The following NR2C1 variants were observed in gnomAD, a reference collection of about 807,000 sequenced individuals.
The protein encoded by NR2C1 is TR2 nuclear hormone receptor.
A neutral mutation model predicts 74.8 loss-of-function variants in NR2C1; 33 were observed. The observed-to-expected ratio is 0.44, with a 90% CI of 0.33 to 0.59. NR2C1 has a LOEUF of 0.59. Among genes scored for constraint, NR2C1 ranks in the 20% least tolerant of loss-of-function variants. The pLI is 0.02. For synonymous variants in NR2C1, 225 were observed against 240.6 expected, an observed-to-expected ratio of 0.94 and a Z score of 0.60; for missense variants, 568 against 715.6, an observed-to-expected ratio of 0.79 and a Z score of 2.35.
At chr12:95,033,902 A>G (rs1158588938) in intron 10 of NR2C1, among the ~76,000 whole-genome samples, 1 of 152,234 alleles carries the variant, frequency 6.6e-6, no homozygotes, top group African/African-American at 2.4e-5. Context: ...TCTTTAAACC[A>G]AACCTACAGA....
At position 95,021,999 on chromosome 12, in the gene NR2C1, T is replaced by C; in HGVS notation, c.*230A>G. On this transcript the variant is annotated 3_prime_UTR_variant, in exon 14 of 14. Transcript: ENST00000333003. Reference sequence around the variant, plus strand: ...GGTATCATCTTCACCAAGAATAAATTTGTAGTGTTTCATATTCATTTAAAG... The same window carrying C: ...GGTATCATCTTCACCAAGAATAAATCTGTAGTGTTTCATATTCATTTAAAG... 1 of 343,486 alleles carries C rather than the reference T, an allele frequency of 2.9e-6. No individual in the cohort carries two copies. Among genetic ancestry groups the C allele is most frequent in the Non-Finnish European group, 5.2e-6 (1 of 192,602 alleles). 21.3% of individuals were successfully genotyped at this position (343,486 alleles called of 1,614,324 possible).
At chr12:95,038,855 A>G (rs1871176936) in intron 10 of NR2C1, among the ~76,000 whole-genome samples, 1 of 152,182 alleles carries the variant, frequency 6.6e-6, no homozygotes, top group Non-Finnish European at 1.5e-5. Context: ...TGATCATTTC[A>G]GTAATTACAA....
In NR2C1 at chr12:95,044,476, C is replaced by T. The variant is rs190326895; in HGVS notation, c.1132-3879G>A. Among the ~76,000 whole-genome samples, 817 of 151,340 alleles carry T rather than the reference C, an allele frequency of 5.4e-3. 4 individuals carry two copies. The highest frequency in any genetic ancestry group is 0.019 in the African/African-American group (774 of 41,192). On this transcript the variant is annotated intron_variant, in intron 9 of 13. Coordinates refer to ENST00000333003, the MANE Select transcript of NR2C1 (RefSeq NM_003297.4). ...TATTTTTAGTAGAGACGGGGTTTCA[C>T]CACGTTGGTCAGTCTGGTCTTGAAC...
intron 10 of NR2C1, among the ~76,000 whole-genome samples, chr12:95,035,306 T>C (rs763187004): frequency 7.2e-5 from 11 of 152,156 alleles, no homozygotes; most frequent in Non-Finnish European, 1.6e-4. Context: ...TATAATCCTA[T>C]ACTTCAATAT....
intron 6 of NR2C1, 22 bp downstream of exon 6, chr12:95,057,709 C>T (rs1414388441): frequency 1.2e-6 from 2 of 1,613,200 alleles, no homozygotes; most frequent in Admixed American, 3.3e-5. Flanking sequence ...TGACCAGCTA[C>T]TCAGTGTCTG....
At chr12:95,071,989 C>T (rs1049327261) in intron 1 of NR2C1, among the ~76,000 whole-genome samples, 1 of 151,744 alleles carries the variant, frequency 6.6e-6, no homozygotes, top group Non-Finnish European at 1.5e-5. Flanking sequence ...TTCAGATGAT[C>T]CGCCCACCTC....
chr12:95,057,470 C>T, intron 7 of NR2C1, 83 bp downstream of exon 7: 1 of 953,090 alleles, frequency 1.0e-6, no homozygotes, highest in Non-Finnish European at 1.5e-6. Flanking sequence ...AAGAACAAAG[C>T]AATTTACCAA....
chr12:95,067,853 C>CCA (rs745777190), intron 1 of NR2C1, among the ~76,000 whole-genome samples: 6 of 151,214 alleles, frequency 4.0e-5, no homozygotes, highest in Non-Finnish European at 8.8e-5. Context: ...TCAGCATAAG[C>CCA]CACCATGCCC....
At chr12:95,061,201 G>A (rs1565871442) in intron 3 of NR2C1, among the ~76,000 whole-genome samples, 1 of 152,196 alleles carries the variant, frequency 6.6e-6, no homozygotes, top group Non-Finnish European at 1.5e-5. Context: ...AGAAGCCTCA[G>A]GAGACATGTC....
At chr12:95,044,434 A>ATT (rs57195159) in intron 9 of NR2C1, among the ~76,000 whole-genome samples, 2,814 of 141,600 alleles carry the variant, frequency 0.02, 85 homozygotes, top group African/African-American at 0.069. Flanking sequence ...CACCCGGCTA[A>ATT]TTTTTTTTTT....
chr12:95,067,307 G>A (rs1394289389), intron 2 of NR2C1, 24 bp downstream of exon 2: 3 of 1,602,572 alleles, frequency 1.9e-6, no homozygotes, highest in Non-Finnish European at 1.7e-6. Context: ...GTGGGCCAGT[G>A]CATCAACCGT....
intron 7 of NR2C1, among the ~76,000 whole-genome samples, chr12:95,053,681 G>GTTTTTTTTTTTTTTTTTTT (rs550069594): frequency 3.9e-5 from 4 of 103,414 alleles, no homozygotes; most frequent in South Asian, 3.4e-4. Context: ...TCTTTTTGGT[G>GTTTTTTTTTTTTTTTTTTT]TTTTTTTTTT....
chr12:95,057,444 G>T, intron 7 of NR2C1, 109 bp downstream of exon 7: 2 of 726,792 alleles, frequency 2.8e-6, no homozygotes, highest in Non-Finnish European at 2.2e-6. Flanking sequence ...AAGGCAACTT[G>T]TAATATGGAA....
At chr12:95,051,706 A>T in intron 8 of NR2C1, 56 bp downstream of exon 8, 1 of 1,438,510 alleles carries the variant, frequency 7.0e-7, no homozygotes, top group African/African-American at 1.4e-5. Context: ...AAATGTTTTA[A>T]GAAATACTGA....
At chr12:95,052,624 T>A (rs1873191108) in intron 7 of NR2C1, among the ~76,000 whole-genome samples, 1 of 151,782 alleles carries the variant, frequency 6.6e-6, no homozygotes, top group Non-Finnish European at 1.5e-5. Flanking sequence ...CCTGGGTTGT[T>A]TTTTCATTTT....
intron 1 of NR2C1, chr12:95,072,597 G>C (rs1876869651): frequency 6.6e-6 from 1 of 152,116 alleles, no homozygotes; most frequent in African/African-American, 2.4e-5. Flanking sequence ...AGGTCTTTCT[G>C]CTTTTGCTTT....
intron 1 of NR2C1, among the ~76,000 whole-genome samples, chr12:95,070,928 G>A (rs1204402360): frequency 6.6e-6 from 1 of 152,182 alleles, no homozygotes; most frequent in East Asian, 1.9e-4. Context: ...AGCCAGGGGC[G>A]ATGGCTCACG....
chr12:95,072,493 C>T (rs1876851173), intron 1 of NR2C1: 2 of 149,042 alleles, frequency 1.3e-5, no homozygotes, highest in Non-Finnish European at 3.0e-5. Context: ...AATCGAGTAT[C>T]ACCAACCACA....
intron 10 of NR2C1, among the ~76,000 whole-genome samples, chr12:95,032,848 GTC>G (rs1158726093): frequency 6.6e-6 from 1 of 152,106 alleles, no homozygotes; most frequent in African/African-American, 2.4e-5. Context: ...CACACCTATA[GTC>G]TCAGCTACTC....
Sources: gnomAD v4.1 joint callset for allele counts (sites outside exome capture counted in the v4.1 genomes callset) on GRCh38, gnomAD v4.1.1 for gene constraint, MANE v1.5 for transcripts, NCBI Gene and HGNC (gene_info 2026-07-23, HGNC 2026-07-21) for gene names.